RNF111: variants seen among roughly 807,000 people sequenced by gnomAD.
RNF111 encodes E3 ubiquitin-protein ligase Arkadia.
In RNF111, 17 loss-of-function variants were observed where a neutral mutation model predicts 95.1. The observed-to-expected ratio is 0.18, with a 90% CI of 0.12 to 0.27. RNF111 has a LOEUF of 0.27. Ranked by LOEUF, RNF111 falls within the 10% of genes least tolerant of loss-of-function variation. The pLI is 1.00. For missense variants in RNF111, 1,189 were observed against 1,210.4 expected, an observed-to-expected ratio of 0.98 and a Z score of 0.26; for synonymous variants, 440 against 414.8, an observed-to-expected ratio of 1.06 and a Z score of -0.74.
At chr15:59,077,484 CATAG>C (rs1480879697) in intron 7 of RNF111, among the ~76,000 whole-genome samples, 7 of 152,186 alleles carry the variant, frequency 4.6e-5, no homozygotes, top group Non-Finnish European at 7.3e-5. Flanking sequence ...TCTTTGTACA[CATAG>C]ATAGGTATAT....
chr15:59,024,318 TA>T lies in RNF111; in HGVS notation c.-19-6478del, dbSNP rs1240563856. 7.9e-5 allele frequency among the ~76,000 whole-genome samples: 12 copies of T among 152,106 alleles called. No individual in the cohort carries two copies. The South Asian group carries it at 1.2e-3, about 16-fold the overall frequency. On this transcript the variant is annotated intron_variant, in intron 1 of 13. Transcript: ENST00000348370. The stretch of plus-strand genomic sequence containing the variant: ...TCATTCTTTTACAGATTAATGCAAT[TA>T]AAAAAAATACTAATTGAGTGCCTAG...
At chr15:59,052,492 G>A (rs2042030307) in intron 3 of RNF111, 61 bp downstream of exon 3, 4 of 1,201,302 alleles carry the variant, frequency 3.3e-6, no homozygotes, top group Non-Finnish European at 4.4e-6. Context: ...AAACATATTT[G>A]TGCTGCAGAT....
intron 1 of RNF111, among the ~76,000 whole-genome samples, chr15:59,020,038 G>A (rs1446455856): frequency 4.0e-5 from 6 of 150,824 alleles, no homozygotes; most frequent in Non-Finnish European, 8.9e-5. Context: ...GGATTTTTGA[G>A]TTTAGTTCTC....
intron 3 of RNF111, among the ~76,000 whole-genome samples, chr15:59,052,681 A>C (rs1450513985): frequency 1.4e-5 from 2 of 145,964 alleles, no homozygotes; most frequent in African/African-American, 5.1e-5. Flanking sequence ...CATAGTAGCT[A>C]GGACTGTAGG....
intron 1 of RNF111, among the ~76,000 whole-genome samples, chr15:59,019,278 A>T (rs1275971070): frequency 6.6e-6 from 1 of 152,138 alleles, no homozygotes; most frequent in Non-Finnish European, 1.5e-5. Context: ...TCCACTGAAC[A>T]AAATAATGAG....
chr15:59,039,033 C>T (rs567547642), intron 2 of RNF111, among the ~76,000 whole-genome samples: 2 of 152,154 alleles, frequency 1.3e-5, no homozygotes, highest in East Asian at 1.9e-4. Flanking sequence ...GACACGATCT[C>T]AGCTCACCGC....
Position 59,049,888 on chromosome 15 carries a change from C to T in RNF111, c.881-2417C>T, listed in dbSNP as rs191943217. On this transcript the variant is annotated intron_variant, in intron 2 of 13. Coordinates refer to ENST00000348370, the MANE Select transcript of RNF111 (RefSeq NM_017610.8). ...TCCTGAGTAGCTGGGATTACAGGTG[C>T]GTGCCACCACACCCGGCTAATTTTT... Among the ~76,000 whole-genome samples the T allele has an allele frequency of 3.5e-3, 517 of 148,778 alleles. 4 individuals carry two copies. The highest frequency in any genetic ancestry group is 0.011 in the African/African-American group (457 of 40,366).
At chr15:59,032,351 T>C (rs1340388455) in intron 2 of RNF111, among the ~76,000 whole-genome samples, 2 of 152,222 alleles carry the variant, frequency 1.3e-5, no homozygotes, top group Admixed American at 6.5e-5. Context: ...TGAATACTTT[T>C]TCAGCTACCT....
chr15:59,016,186 T>G (rs2040058510), intron 1 of RNF111, among the ~76,000 whole-genome samples: 1 of 150,052 alleles, frequency 6.7e-6, no homozygotes, highest in African/African-American at 2.4e-5. Context: ...TTTTTTTTTT[T>G]TAGAGATAGA....
At chr15:59,089,438 T>C (rs1276793546) in intron 10 of RNF111, among the ~76,000 whole-genome samples, 1 of 152,228 alleles carries the variant, frequency 6.6e-6, no homozygotes, top group African/African-American at 2.4e-5. Flanking sequence ...AAGTTTGAGC[T>C]ACTAAGAGCC....
At chr15:59,080,877 G>T in intron 7 of RNF111, 59 bp from the exon 8 acceptor site, 2 of 1,257,988 alleles carry the variant, frequency 1.6e-6, no homozygotes, top group Non-Finnish European at 2.2e-6. Context: ...ATGTATAATA[G>T]CAATATATGT....
intron 1 of RNF111, among the ~76,000 whole-genome samples, chr15:58,989,750 C>T (rs1250008440): frequency 2.0e-5 from 3 of 152,162 alleles, no homozygotes; most frequent in Non-Finnish European, 2.9e-5. Flanking sequence ...AAGAGAAAAG[C>T]ACCTTGCTTG....
intron 7 of RNF111, among the ~76,000 whole-genome samples, chr15:59,077,781 G>A (rs2078608424): frequency 6.6e-6 from 1 of 152,106 alleles, no homozygotes; most frequent in Admixed American, 6.5e-5. Flanking sequence ...CTCTCCAAGG[G>A]GCTGCATCAA....
intron 13 of RNF111, among the ~76,000 whole-genome samples, chr15:59,093,709 C>T (rs1400646622): frequency 1.3e-5 from 2 of 151,756 alleles, no homozygotes; most frequent in African/African-American, 4.8e-5. Flanking sequence ...CCATATGAAA[C>T]AGGTTCTATA....
chr15:59,043,392 G>A (rs965034118), intron 2 of RNF111, among the ~76,000 whole-genome samples: 10 of 152,246 alleles, frequency 6.6e-5, no homozygotes, highest in African/African-American at 2.2e-4. Context: ...CCTGACCTCA[G>A]GTGATCTGCC....
At chr15:59,039,869 A>G (rs532465131) in intron 2 of RNF111, among the ~76,000 whole-genome samples, 1 of 152,040 alleles carries the variant, frequency 6.6e-6, no homozygotes, top group African/African-American at 2.4e-5. Flanking sequence ...GGCACATGCC[A>G]CCGTGCCCAG....
chr15:58,987,700 GGCGGCGGCGGCGGCGAA>G lies in RNF111; in HGVS notation c.-373_-357del, dbSNP rs762047849. On this transcript the variant is annotated 5_prime_UTR_variant, in exon 1 of 14. Coordinates refer to ENST00000348370, the MANE Select transcript of RNF111 (RefSeq NM_017610.8). ...TCCTCGGTAGGGGAGGAATTGGTTA[GGCGGCGGCGGCGGCGAA>G]GCGGCGGCGGCGGCTGTAGGGGAGC... is the stretch of plus-strand genomic sequence containing the variant. 1.9e-4 allele frequency: 34 copies of G among 178,294 alleles called. No homozygotes were observed. In the South Asian group the frequency reaches 2.5e-3, roughly 13 times the overall value. 11.0% of individuals were successfully genotyped at this position (178,294 alleles called of 1,614,324 possible). A position where few individuals can be genotyped will look rare whatever the true frequency, so the allele number is the denominator to read the frequency against.
intron 4 of RNF111, 51 bp from the exon 5 acceptor site, chr15:59,058,305 C>G (rs2042283302): frequency 7.1e-7 from 1 of 1,407,208 alleles, no homozygotes. Context: ...AAAATATAAC[C>G]CTTTATCTAA....
At chr15:59,015,013 T>G (rs1212579384) in intron 1 of RNF111, among the ~76,000 whole-genome samples, 3 of 152,172 alleles carry the variant, frequency 2.0e-5, no homozygotes, top group African/African-American at 7.2e-5. Flanking sequence ...CCTCCGTAAG[T>G]GCTGGGATAA....
Sources: allele counts gnomAD v4.1 joint callset (sites outside exome capture counted in the v4.1 genomes callset), GRCh38; gene constraint gnomAD v4.1.1; transcripts MANE v1.5; gene names NCBI Gene and HGNC (gene_info 2026-07-23, HGNC 2026-07-21).